Variants in POLE2 observed in about 807,000 individuals in gnomAD.
POLE2 encodes the protein DNA polymerase epsilon 2, accessory subunit, also known as DNA polymerase epsilon subunit 2.
Under a neutral mutation model 79.4 loss-of-function variants are expected in POLE2, and 56 were observed. The ratio of observed to expected loss-of-function variants is 0.71; its 90% CI spans 0.57 to 0.88. The LOEUF (loss-of-function observed/expected upper bound fraction) is 0.88, where lower values mean the gene tolerates loss of function less well. Among genes scored for constraint, POLE2 ranks in the 40% least tolerant of loss-of-function variants. POLE2 has a pLI of 0.00. For synonymous variants in POLE2, 212 were observed against 214.0 expected (o/e 0.99, Z 0.08); for missense variants, 598 against 638.9 (o/e 0.94, Z 0.69).
chr14:49,679,262 C>A (rs1271764330), intron 3 of POLE2, among the ~76,000 whole-genome samples: 2 of 152,154 alleles, frequency 1.3e-5, no homozygotes, highest in African/African-American at 4.8e-5. Context: ...AGAATTACTG[C>A]CATATAAATT....
intron 3 of POLE2, among the ~76,000 whole-genome samples, chr14:49,678,815 G>A (rs575137569): frequency 1.2e-4 from 18 of 150,618 alleles, no homozygotes; most frequent in East Asian, 9.7e-4. Flanking sequence ...CCCCACTACC[G>A]CCCAGCTAAT....
chr14:49,655,460 C>CACACACAT (rs1032212128), intron 11 of POLE2, among the ~76,000 whole-genome samples: 1 of 87,432 alleles, frequency 1.1e-5, no homozygotes, highest in African/African-American at 3.4e-5. Flanking sequence ...TGACTATAAA[C>CACACACAT]ACACACACAC....
At chr14:49,656,918 G>T (rs1884721793) in intron 10 of POLE2, among the ~76,000 whole-genome samples, 1 of 152,092 alleles carries the variant, frequency 6.6e-6, no homozygotes. Context: ...AAACCAGCCT[G>T]ACCAACATGG....
At chr14:49,686,471 A>G (rs4479141) in intron 1 of POLE2, among the ~76,000 whole-genome samples, 152,218 of 152,256 alleles carry the variant, frequency 1, 76,090 homozygotes, top group Non-Finnish European at 1. Context: ...TGCTGTCTGG[A>G]CAACATTTGA....
intron 2 of POLE2, among the ~76,000 whole-genome samples, chr14:49,680,692 T>C (rs1448511985): frequency 1.3e-5 from 2 of 151,658 alleles, no homozygotes; most frequent in African/African-American, 4.8e-5. Flanking sequence ...ATCACTTTGA[T>C]ATGTTGTCAA....
At position 49,655,832 on chromosome 14, in the gene POLE2, C is replaced by A; in HGVS notation, c.767G>T (p.Gly256Val). The A allele has an allele frequency of 6.7e-7, 1 of 1,493,134 alleles. No individual in the cohort carries two copies. Among genetic ancestry groups the A allele is most frequent in the Non-Finnish European group, 9.3e-7 (1 of 1,079,882 alleles). 92.5% of individuals were successfully genotyped at this position (1,493,134 alleles called of 1,614,324 possible). A position where few individuals can be genotyped will look rare whatever the true frequency, so the allele number is the denominator to read the frequency against. Reference sequence around the variant, plus strand: ...AGGACCTCCAAAAAAATTAATATTTCCATAGTATGCCCTAGATAATTATAA... The same window carrying A: ...AGGACCTCCAAAAAAATTAATATTTACATAGTATGCCCTAGATAATTATAA... ...EPSSTTRAYY[G>V]NINFFGGPSN... The change falls in exon 11 of 19, where the codon GGA (glycine) becomes GTA (valine). Residue 256 changes from glycine to valine, a missense_variant. Physicochemically the swap from Gly to Val is moderately radical, Grantham distance 109. Coordinates refer to ENST00000216367, the MANE Select transcript of POLE2 (RefSeq NM_002692.4).
At chr14:49,684,390 G>C (rs573353994) in intron 1 of POLE2, among the ~76,000 whole-genome samples, 2 of 151,898 alleles carry the variant, frequency 1.3e-5, no homozygotes, top group Non-Finnish European at 2.9e-5. Flanking sequence ...GCGTGAACCC[G>C]GGAGGCAGAG....
At chr14:49,663,192 G>T in intron 10 of POLE2, 123 bp downstream of exon 10, 1 of 446,866 alleles carries the variant, frequency 2.2e-6, no homozygotes, top group South Asian at 7.9e-5. Flanking sequence ...ATTTTCCATT[G>T]CTTTTTCCAT....
chr14:49,650,126 G>T, intron 17 of POLE2, 139 bp downstream of exon 17: 1 of 461,568 alleles, frequency 2.2e-6, no homozygotes, highest in Non-Finnish European at 3.5e-6. Flanking sequence ...AACTTTCTGT[G>T]TATAGAAACT....
chr14:49,654,909 T>G, intron 12 of POLE2, 71 bp from the exon 13 acceptor site: 1 of 1,400,938 alleles, frequency 7.1e-7, no homozygotes. Context: ...TTAGATACAA[T>G]CCTGTATATT....
At chr14:49,682,690 C>T (rs1594620920) in intron 2 of POLE2, among the ~76,000 whole-genome samples, 2 of 136,436 alleles carry the variant, frequency 1.5e-5, no homozygotes, top group African/African-American at 2.8e-5. Flanking sequence ...AGTTTGCTTT[C>T]AGTAAAATGC....
At chr14:49,677,615 G>A (rs558020806) in intron 3 of POLE2, 97 of 573,402 alleles carry the variant, frequency 1.7e-4, no homozygotes, top group African/African-American at 1.4e-3. Flanking sequence ...TGTCATTGAT[G>A]AACAGACTGA....
chr14:49,665,264 A>C (rs1885398608), intron 7 of POLE2, 101 bp from the exon 8 acceptor site: 1 of 640,688 alleles, frequency 1.6e-6, no homozygotes, highest in Non-Finnish European at 2.8e-6. Context: ...AATAGGGAGA[A>C]AGTGGATTTT....
At chr14:49,644,260 C>T (rs1465736774) in intron 18 of POLE2, among the ~76,000 whole-genome samples, 3 of 150,970 alleles carry the variant, frequency 2.0e-5, no homozygotes, top group African/African-American at 7.3e-5. Context: ...CCTATAATCC[C>T]AGCACTTTGG....
intron 2 of POLE2, among the ~76,000 whole-genome samples, chr14:49,682,150 G>A (rs893467631): frequency 6.6e-5 from 10 of 151,146 alleles, no homozygotes; most frequent in Middle Eastern, 3.4e-3. Flanking sequence ...GATTACAGGC[G>A]CCTGCCACCA....
intron 5 of POLE2, among the ~76,000 whole-genome samples, chr14:49,669,801 T>C (rs906690428): frequency 6.6e-6 from 1 of 152,026 alleles, no homozygotes; most frequent in Non-Finnish European, 1.5e-5. Context: ...ATGTAAAAAT[T>C]TTAAAGGTCT....
At chr14:49,683,242 A>C (rs930341220) in intron 2 of POLE2, among the ~76,000 whole-genome samples, 1 of 152,104 alleles carries the variant, frequency 6.6e-6, no homozygotes, top group Non-Finnish European at 1.5e-5. Context: ...TCTCTACTAA[A>C]ATACAAAAAA....
intron 3 of POLE2, among the ~76,000 whole-genome samples, chr14:49,676,614 C>T (rs1400579520): frequency 6.6e-6 from 1 of 152,216 alleles, no homozygotes; most frequent in Non-Finnish European, 1.5e-5. Flanking sequence ...CAGAAATAGC[C>T]GAGCCAGGTC....
At chr14:49,649,163 T>C (rs1235467397) in intron 17 of POLE2, among the ~76,000 whole-genome samples, 2 of 123,518 alleles carry the variant, frequency 1.6e-5, no homozygotes, top group Non-Finnish European at 3.4e-5. Flanking sequence ...TTTTTTTTTT[T>C]TGAGACGCAG....
Sources: gnomAD v4.1 joint callset for allele counts (sites outside exome capture counted in the v4.1 genomes callset) on GRCh38, gnomAD v4.1.1 for gene constraint, MANE v1.5 for transcripts, NCBI Gene and HGNC (gene_info 2026-07-23, HGNC 2026-07-21) for gene names.